CACNA1E: variants seen among roughly 807,000 people sequenced by gnomAD.
The protein encoded by CACNA1E is voltage-dependent R-type calcium channel subunit alpha-1E.
Under a neutral mutation model 259.2 loss-of-function variants are expected in CACNA1E, and 40 were observed. That is an observed-to-expected ratio of 0.15 (90% confidence interval 0.12 to 0.20). The LOEUF is 0.20. Ranked by LOEUF, CACNA1E falls within the 10% of genes least tolerant of loss-of-function variation. The pLI is 1.00. For synonymous variants in CACNA1E, 1,104 were observed against 1,138.5 expected (o/e 0.97, Z 0.61); for missense variants, 1,874 against 3,040.1 (o/e 0.62, Z 9.02).
chr1:181,578,876 C>T (rs907252109), intron 4 of CACNA1E, among the ~76,000 whole-genome samples, 196 bp from the exon 5 acceptor site: 1 of 152,172 alleles, frequency 6.6e-6, no homozygotes, highest in Non-Finnish European at 1.5e-5. Context: ...TGAACTTTAT[C>T]CCAGCTCTTG....
chr1:181,585,020 C>CT (rs958543391), intron 6 of CACNA1E, among the ~76,000 whole-genome samples: 8 of 151,914 alleles, frequency 5.3e-5, no homozygotes, highest in African/African-American at 1.9e-4. Flanking sequence ...GTCCCCCCCC[C>CT]TGCCTCAAAC....
At chr1:181,740,458 T>C (rs1234693083) in intron 25 of CACNA1E, among the ~76,000 whole-genome samples, 1 of 152,122 alleles carries the variant, frequency 6.6e-6, no homozygotes, top group Admixed American at 6.5e-5. Context: ...TCTCTTATCC[T>C]TTCTGGCAGA....
intron 40 of CACNA1E, 114 bp from the exon 41 acceptor site, chr1:181,784,547 A>C: frequency 1.5e-6 from 1 of 658,268 alleles, no homozygotes; most frequent in Non-Finnish European, 2.6e-6. Flanking sequence ...CAGTGCCAAG[A>C]TTTCCTCTTA....
intron 1 of CACNA1E, among the ~76,000 whole-genome samples, chr1:181,488,973 G>C (rs189421725): frequency 6.6e-6 from 1 of 152,136 alleles, no homozygotes; most frequent in East Asian, 1.9e-4. Flanking sequence ...CATATTCTTA[G>C]TGAAAATAAA....
In CACNA1E at chr1:181,579,243, G is replaced by A. The variant is rs769497204; in HGVS notation, c.769+19G>A. 70 of 1,595,452 alleles carry A rather than the reference G, an allele frequency of 4.4e-5. No individual in the cohort carries two copies. The South Asian group carries it at 7.4e-4, about 17-fold the overall frequency. On this transcript the variant is annotated intron_variant, in intron 5 of 47. Transcript: ENST00000367573. ...AATTCAGGTAGGGTCGTTCTTTTCT[G>A]TCTTCTCCTTTTCCCTTCTCCCCTC...
chr1:181,348,597 G>A (rs1270608992), intron 1 of CACNA1E, among the ~76,000 whole-genome samples: 1 of 151,836 alleles, frequency 6.6e-6, no homozygotes, highest in Non-Finnish European at 1.5e-5. Flanking sequence ...AACTGTGTAT[G>A]TGTTGGGTGG....
At chr1:181,503,766 C>T (rs1192787163) in intron 1 of CACNA1E, among the ~76,000 whole-genome samples, 1 of 152,174 alleles carries the variant, frequency 6.6e-6, no homozygotes, top group Non-Finnish European at 1.5e-5. Context: ...TTTTGTATTT[C>T]TTGTTTGGTT....
At chr1:181,613,922 T>C (rs1056321878) in intron 6 of CACNA1E, among the ~76,000 whole-genome samples, 2 of 152,224 alleles carry the variant, frequency 1.3e-5, no homozygotes, top group African/African-American at 4.8e-5. Flanking sequence ...TCCTGTTAGC[T>C]TGACATTTTT....
intron 1 of CACNA1E, among the ~76,000 whole-genome samples, chr1:181,361,008 T>G (rs1046225644): frequency 1.6e-4 from 24 of 152,070 alleles, no homozygotes; most frequent in African/African-American, 5.8e-4. Flanking sequence ...GGACACAGGG[T>G]TCCTCTTTCT....
intron 1 of CACNA1E, among the ~76,000 whole-genome samples, chr1:181,406,642 C>T (rs190347147): frequency 2.8e-4 from 42 of 152,188 alleles, no homozygotes; most frequent in Admixed American, 7.8e-4. Context: ...TTGATCCACC[C>T]GCCTCAGCCT....
At chr1:181,450,302 A>G (rs946826624) in intron 2 of CACNA1E, among the ~76,000 whole-genome samples, 3 of 152,192 alleles carry the variant, frequency 2.0e-5, no homozygotes, top group African/African-American at 7.2e-5. Context: ...CACAGAGCCA[A>G]ACCATATCAG....
intron 1 of CACNA1E, among the ~76,000 whole-genome samples, chr1:181,350,745 C>G (rs1261309360): frequency 6.6e-6 from 1 of 152,124 alleles, no homozygotes; most frequent in African/African-American, 2.4e-5. Context: ...ATCAGAAATG[C>G]CCACCCTGCT....
At chr1:181,404,379 C>T (rs902831996) in intron 1 of CACNA1E, among the ~76,000 whole-genome samples, 3 of 152,224 alleles carry the variant, frequency 2.0e-5, no homozygotes, top group Admixed American at 6.5e-5. Context: ...GAATTGCCAA[C>T]ATCGTGCTCA....
chr1:181,510,138 C>G (rs916867625), intron 1 of CACNA1E, among the ~76,000 whole-genome samples: 2 of 152,216 alleles, frequency 1.3e-5, no homozygotes, highest in Admixed American at 1.3e-4. Flanking sequence ...CTTCCCCCTT[C>G]TATTTTCAGC....
At position 181,785,380 on chromosome 1, in the gene CACNA1E, A is replaced by C. The variant is rs1465567805; in HGVS notation, c.5641A>C (p.Ser1881Arg). The change falls in exon 42 of 48, where the codon AGT (serine) becomes CGT (arginine). Residue 1881 changes from serine to arginine, a missense_variant. This residue lies in a region of CACNA1E where 542 missense variants were observed against 587.2 expected (regional missense o/e 0.92). Coordinates refer to ENST00000367573, the MANE Select transcript of CACNA1E (RefSeq NM_001205293.3). ...AMMIMDYYKQ[S>R]KVKKQRQQLE... is the part of the protein sequence containing the mutation. ...GATGATCATGGACTACTATAAGCAG[A>C]GTAAGGTGAAGAAGCAGAGGCAGCA... 6.2e-7 allele frequency: 1 copy of C among 1,613,568 alleles called. No individual in the cohort carries two copies. The highest frequency in any genetic ancestry group is 8.5e-7 in the Non-Finnish European group (1 of 1,179,636).
intron 2 of CACNA1E, among the ~76,000 whole-genome samples, chr1:181,434,490 C>G (rs1422690966): frequency 6.6e-6 from 1 of 151,554 alleles, no homozygotes; most frequent in Non-Finnish European, 1.5e-5. Context: ...GAGACATGAT[C>G]AATAAGCAGG....
At chr1:181,321,937 C>A (rs1317980686) in intron 1 of CACNA1E, among the ~76,000 whole-genome samples, 1 of 152,224 alleles carries the variant, frequency 6.6e-6, no homozygotes. Flanking sequence ...TTCAGGGTGG[C>A]TTTCTGCTCT....
intron 3 of CACNA1E, among the ~76,000 whole-genome samples, chr1:181,559,695 G>T (rs567848334): frequency 1.3e-5 from 2 of 152,190 alleles, no homozygotes; most frequent in Non-Finnish European, 2.9e-5. Context: ...TCATTTTCAC[G>T]GAGTGAGGAG....
Position 181,483,525 on chromosome 1 carries a change from G to T in CACNA1E, c.-220G>T. On this transcript the variant is annotated 5_prime_UTR_variant, in exon 1 of 48. In the 5' UTR this introduces an upstream ATG that the reference lacks. Coordinates refer to ENST00000367573, the MANE Select transcript of CACNA1E (RefSeq NM_001205293.3). ...TCTTTTTTTTTTTTTTCCTTCTTGA[G>T]GAATGGAGCTTCGCAGAGGTTGCAT... The T allele has an allele frequency of 2.8e-6, 1 of 358,220 alleles. No homozygotes were observed. Among genetic ancestry groups the T allele is most frequent in the Admixed American group, 4.7e-5 (1 of 21,326 alleles). 22.2% of individuals were successfully genotyped at this position (358,220 alleles called of 1,614,324 possible).
Sources: gnomAD v4.1 joint callset for allele counts (sites outside exome capture counted in the v4.1 genomes callset) on GRCh38, gnomAD v4.1.1 for gene constraint, gnomAD v4.1.1 regional missense constraint, MANE v1.5 for transcripts, NCBI Gene and HGNC (gene_info 2026-07-23, HGNC 2026-07-21) for gene names.